The following RORA variants were observed in gnomAD, a reference collection of about 807,000 sequenced individuals.
The protein encoded by RORA is nuclear receptor ROR-alpha.
A neutral mutation model predicts 69.5 loss-of-function variants in RORA; 7 were observed. The ratio of observed to expected loss-of-function variants is 0.10; its 90% CI spans 0.06 to 0.19. RORA has a LOEUF of 0.19. Among genes scored for constraint, RORA ranks in the 10% least tolerant of loss-of-function variants. The pLI is 1.00. For synonymous variants in RORA, 261 were observed against 240.8 expected, an observed-to-expected ratio of 1.08 and a Z score of -0.78; for missense variants, 457 against 663.0, an observed-to-expected ratio of 0.69 and a Z score of 3.41.
At position 61,202,673 on chromosome 15, in the gene RORA, CA is replaced by C. The variant is rs760481179; in HGVS notation, c.166+26379del. Among the ~76,000 whole-genome samples the C allele has an allele frequency of 2.6e-5, 4 of 152,118 alleles. No individual in the cohort carries two copies. The East Asian group carries it at 7.7e-4, about 29-fold the overall frequency. On this transcript the variant is annotated intron_variant, in intron 1 of 10. Coordinates refer to ENST00000335670, the MANE Select transcript of RORA (RefSeq NM_134261.3). ...CTATTTTAAGAGTACCCTTGAAAAA[CA>C]AACCCCTTCATGTAAGAAAGACTAG...
At chr15:60,924,234 G>C (rs533311008) in intron 1 of RORA, among the ~76,000 whole-genome samples, 2 of 151,808 alleles carry the variant, frequency 1.3e-5, no homozygotes, top group African/African-American at 4.8e-5. Context: ...CAATATAGGT[G>C]CTGGGAGAAC....
chr15:61,051,804 C>A (rs2078018664), intron 1 of RORA, among the ~76,000 whole-genome samples: 1 of 152,212 alleles, frequency 6.6e-6, no homozygotes, highest in Admixed American at 6.5e-5. Flanking sequence ...CTGACCATTC[C>A]CGTGAGCCTC....
chr15:60,833,714 C>T (rs1458909031), intron 1 of RORA, among the ~76,000 whole-genome samples: 1 of 152,158 alleles, frequency 6.6e-6, no homozygotes, highest in South Asian at 2.1e-4. Flanking sequence ...TTACTAATAT[C>T]TTTGTACTGT....
chr15:60,661,466 G>T (rs577029262), intron 2 of RORA, among the ~76,000 whole-genome samples: 1 of 152,160 alleles, frequency 6.6e-6, no homozygotes, highest in South Asian at 2.1e-4. Flanking sequence ...TGATGTCTAT[G>T]GGCAGTTTCA....
chr15:60,641,403 A>G (rs2069942165), intron 2 of RORA, among the ~76,000 whole-genome samples: 1 of 152,090 alleles, frequency 6.6e-6, no homozygotes, highest in Admixed American at 6.6e-5. Context: ...TGAAAAATCT[A>G]TGTCCTTTCC....
At chr15:60,814,207 T>A (rs1172308422) in intron 1 of RORA, among the ~76,000 whole-genome samples, 5 of 152,136 alleles carry the variant, frequency 3.3e-5, no homozygotes, top group Admixed American at 6.5e-5. Flanking sequence ...GGACTTTCTC[T>A]TAGTTCTCAG....
chr15:61,057,532 T>G (rs750896247), intron 1 of RORA, among the ~76,000 whole-genome samples: 9 of 152,234 alleles, frequency 5.9e-5, no homozygotes, highest in Non-Finnish European at 7.3e-5. Context: ...CTCATAACAC[T>G]GACATGTCAT....
intron 1 of RORA, among the ~76,000 whole-genome samples, chr15:60,985,735 C>T (rs967647888): frequency 6.6e-6 from 1 of 151,904 alleles, no homozygotes; most frequent in Non-Finnish European, 1.5e-5. Context: ...CAGGTGCGCG[C>T]CACCATGCCC....
chr15:60,679,478 TTAC>T (rs1252975927), intron 1 of RORA, among the ~76,000 whole-genome samples: 3 of 152,202 alleles, frequency 2.0e-5, no homozygotes, highest in Admixed American at 2.0e-4. Flanking sequence ...CATTTCAGAA[TTAC>T]TACATTTTGA....
At chr15:60,884,689 T>C (rs1384467303) in intron 1 of RORA, among the ~76,000 whole-genome samples, 1 of 152,210 alleles carries the variant, frequency 6.6e-6, no homozygotes, top group Non-Finnish European at 1.5e-5. Flanking sequence ...CTGGAGTTTA[T>C]TGACTCTATT....
chr15:60,590,607 A>G (rs1294466365), intron 2 of RORA, among the ~76,000 whole-genome samples: 1 of 152,184 alleles, frequency 6.6e-6, no homozygotes, highest in African/African-American at 2.4e-5. Context: ...TTTATAATTT[A>G]AAGACAAAAA....
At chr15:61,024,451 G>GC (rs1895698362) in intron 1 of RORA, among the ~76,000 whole-genome samples, 1 of 134,776 alleles carries the variant, frequency 7.4e-6, no homozygotes, top group Non-Finnish European at 1.6e-5. Context: ...GCCCGGTAAT[G>GC]TTTTTTTTTT....
intron 1 of RORA, among the ~76,000 whole-genome samples, chr15:61,046,741 A>G (rs1897046424): frequency 6.6e-6 from 1 of 152,204 alleles, no homozygotes; most frequent in South Asian, 2.1e-4. Context: ...TTGATAACAG[A>G]TGCCAACAGG....
At chr15:61,120,399 A>C (rs1054183245) in intron 1 of RORA, among the ~76,000 whole-genome samples, 1 of 152,114 alleles carries the variant, frequency 6.6e-6, no homozygotes, top group Non-Finnish European at 1.5e-5. Context: ...CAAAGGAGGA[A>C]TTTTAAAAAA....
intron 1 of RORA, among the ~76,000 whole-genome samples, chr15:61,049,173 T>C (rs1451343033): frequency 6.6e-6 from 1 of 152,196 alleles, no homozygotes; most frequent in Non-Finnish European, 1.5e-5. Context: ...CAAAAGCAAT[T>C]ACATGTTTCA....
At chr15:60,676,606 CAGTT>C (rs1470329406) in intron 2 of RORA, among the ~76,000 whole-genome samples, 7 of 152,130 alleles carry the variant, frequency 4.6e-5, no homozygotes, top group Admixed American at 1.3e-4. Context: ...CTGATTTTCA[CAGTT>C]AGAAAGGCAC....
At chr15:60,875,569 C>A (rs1161901662) in intron 1 of RORA, among the ~76,000 whole-genome samples, 1 of 152,190 alleles carries the variant, frequency 6.6e-6, no homozygotes, top group South Asian at 2.1e-4. Context: ...GCAGGACTCA[C>A]TCAGTTCAAT....
intron 1 of RORA, among the ~76,000 whole-genome samples, chr15:60,801,685 G>A (rs2072583427): frequency 6.6e-6 from 1 of 152,194 alleles, no homozygotes; most frequent in Admixed American, 6.5e-5. Flanking sequence ...GGAGAGGCAC[G>A]CCACGGTGTG....
intron 1 of RORA, among the ~76,000 whole-genome samples, chr15:60,923,169 A>G (rs1892102541): frequency 1.3e-5 from 2 of 152,194 alleles, no homozygotes; most frequent in Admixed American, 1.3e-4. Context: ...AAGTCTGAAC[A>G]AAGGCCGGAT....
Sources: gnomAD v4.1 joint callset for allele counts (sites outside exome capture counted in the v4.1 genomes callset) on GRCh38, gnomAD v4.1.1 for gene constraint, MANE v1.5 for transcripts, NCBI Gene and HGNC (gene_info 2026-07-23, HGNC 2026-07-21) for gene names.